ZC3H6: variants seen among roughly 807,000 people sequenced by gnomAD.
ZC3H6 encodes zinc finger CCCH-type containing 6.
A neutral mutation model predicts 107.7 loss-of-function variants in ZC3H6; 40 were observed. The ratio of observed to expected loss-of-function variants is 0.37; its 90% CI spans 0.29 to 0.48. The LOEUF is 0.48. Ranked by LOEUF, ZC3H6 falls within the 20% of genes least tolerant of loss-of-function variation. The probability of loss-of-function intolerance (pLI) is 0.98; values close to 1 mark genes in which losing one functional copy is unlikely to be tolerated. For missense variants in ZC3H6, 1,267 were observed against 1,410.4 expected, an observed-to-expected ratio of 0.90 and a Z score of 1.63; for synonymous variants, 493 against 487.9, an observed-to-expected ratio of 1.01 and a Z score of -0.14.
At position 112,339,610 on chromosome 2, in the gene ZC3H6, G is replaced by A. The variant is rs779812849; in HGVS notation, c.*7122G>A. 1.3e-5 allele frequency: 2 copies of A among 152,122 alleles called. No homozygotes were observed. The highest frequency in any genetic ancestry group is 2.9e-5 in the Non-Finnish European group (2 of 68,102). 9.4% of individuals were successfully genotyped at this position (152,122 alleles called of 1,614,324 possible). On this transcript the variant is annotated 3_prime_UTR_variant, in exon 12 of 12. Transcript: ENST00000409871. Reference sequence around the variant, plus strand: ...TGGGGCCAGGGACGGGGGCAGGCGGGAGTTGTCCAGGTTTAAGATTGTTTG... The same window carrying A: ...TGGGGCCAGGGACGGGGGCAGGCGGAAGTTGTCCAGGTTTAAGATTGTTTG...
rs1324771757 is a variant in ZC3H6, at chr2:112,332,616, A to G, written c.*128A>G. The G allele has an allele frequency of 1.1e-6, 1 of 896,486 alleles. No individual in the cohort carries two copies. Among genetic ancestry groups the G allele is most frequent in the African/African-American group, 1.7e-5 (1 of 58,812 alleles). 55.5% of individuals were successfully genotyped at this position (896,486 alleles called of 1,614,324 possible). A position where few individuals can be genotyped will look rare whatever the true frequency, so the allele number is the denominator to read the frequency against. ...AACACTTTTCAGCTGCTAGTATCAG[A>G]ACCACATGAAGTTATAGCCTCTAAA... On this transcript the variant is annotated 3_prime_UTR_variant, in exon 12 of 12. Transcript: ENST00000409871.
At position 112,337,068 on chromosome 2, in the gene ZC3H6, C is replaced by T. The variant is rs1314177992; in HGVS notation, c.*4580C>T. 6.6e-6 allele frequency: 1 copy of T among 152,130 alleles called. No individual in the cohort carries two copies. The highest frequency in any genetic ancestry group is 1.5e-5 in the Non-Finnish European group (1 of 68,030). The allele number at this position is 152,130 out of a possible 1,614,324, so 9.4% of individuals were successfully genotyped here. Reference sequence around the variant, plus strand: ...GAAGAATGCACCTTATGGGTTATATCTCTTTTGGTAGACAGCCCACCTGCT... The same window carrying T: ...GAAGAATGCACCTTATGGGTTATATTTCTTTTGGTAGACAGCCCACCTGCT... On this transcript the variant is annotated 3_prime_UTR_variant, in exon 12 of 12. Coordinates refer to ENST00000409871, the MANE Select transcript of ZC3H6 (RefSeq NM_198581.3).
At position 112,331,124 on chromosome 2, in the gene ZC3H6, G is replaced by A. The variant is rs1677021747; in HGVS notation, c.2206G>A (p.Glu736Lys). ...AAGGAATCAGCAACAACCTTCCACAGAACTCAGCACTCCTACTGATCCAAG... is the reference window on the plus strand; with the variant it reads ...AAGGAATCAGCAACAACCTTCCACAAAACTCAGCACTCCTACTGATCCAAG... Reference protein sequence around the residue: ...TLRNQQQPSTELSTPTDPRLA... With the variant: ...TLRNQQQPSTKLSTPTDPRLA... The change falls in exon 12 of 12, where the codon GAA (glutamate) becomes AAA (lysine). Residue 736 changes from glutamate to lysine, a missense_variant. This residue lies in a region of ZC3H6 where 925 missense variants were observed against 1,025.7 expected (regional missense o/e 0.90). Coordinates refer to ENST00000409871, the MANE Select transcript of ZC3H6 (RefSeq NM_198581.3). The A allele has an allele frequency of 6.2e-7, 1 of 1,613,316 alleles. No homozygotes were observed. The highest frequency in any genetic ancestry group is 1.1e-5 in the South Asian group (1 of 90,946).
intron 3 of ZC3H6, among the ~76,000 whole-genome samples, chr2:112,306,408 G>C (rs974174143): frequency 9.2e-5 from 14 of 152,008 alleles, no homozygotes; most frequent in African/African-American, 2.9e-4. Flanking sequence ...CCTGACCTCA[G>C]GTGATCTGCC....
chr2:112,309,824 C>G, intron 3 of ZC3H6, 61 bp from the exon 4 acceptor site: 2 of 1,477,322 alleles, frequency 1.4e-6, no homozygotes, highest in Non-Finnish European at 1.8e-6. Flanking sequence ...ATGTCCTGTG[C>G]TACTGTCAAT....
Position 112,275,880 on chromosome 2 carries a change from T to A in ZC3H6, c.-115T>A. On this transcript the variant is annotated 5_prime_UTR_variant, in exon 1 of 12. Transcript: ENST00000409871. ...CGTGAGTTTTTACCACTTCGTCACC[T>A]GTCGGCGGCGGCCGGGAGCAGGTTC... 1.3e-6 allele frequency: 1 copy of A among 793,578 alleles called. No homozygotes were observed. Among genetic ancestry groups the A allele is most frequent in the Non-Finnish European group, 1.9e-6 (1 of 515,494 alleles). The allele number at this position is 793,578 out of a possible 1,614,324, so 49.2% of individuals were successfully genotyped here. A position where few individuals can be genotyped will look rare whatever the true frequency, so the allele number is the denominator to read the frequency against.
Position 112,321,783 on chromosome 2 carries a change from G to A in ZC3H6, c.1004G>A (p.Ser335Asn). 1 of 1,539,000 alleles carries A rather than the reference G, an allele frequency of 6.5e-7. No homozygotes were observed. Among genetic ancestry groups the A allele is most frequent in the Non-Finnish European group, 8.8e-7 (1 of 1,141,072 alleles). The stretch of plus-strand genomic sequence containing the variant: ...GAATTTCCATGCAAGTTCTATCATA[G>A]TGGAGCAAAATGTTACCAGGGAGAC... ...HNEFPCKFYH[S>N]GAKCYQGDNC... Residue 335 changes from serine to asparagine, a missense_variant, in exon 8 of 12, where the codon AGT (serine) becomes AAT (asparagine). Around this residue, in one of 3 missense-constraint regions of ZC3H6, gnomAD observed 925 missense variants for 1,025.7 expected, o/e 0.90. Transcript: ENST00000409871.
intron 2 of ZC3H6, among the ~76,000 whole-genome samples, chr2:112,302,299 A>G (rs1187050589): frequency 1.3e-5 from 2 of 152,194 alleles, no homozygotes; most frequent in African/African-American, 4.8e-5. Context: ...TCACCTATCA[A>G]ATCAACAAAG....
chr2:112,311,778 A>C (rs1676597771), intron 4 of ZC3H6, 26 bp from the exon 5 acceptor site: 1 of 1,579,312 alleles, frequency 6.3e-7, no homozygotes, highest in Non-Finnish European at 8.6e-7. Context: ...TTTCTTTTAA[A>C]TTTAAGTACA....
intron 1 of ZC3H6, 84 bp downstream of exon 1, chr2:112,276,110 C>A (rs1686413067): frequency 7.8e-7 from 1 of 1,274,794 alleles, no homozygotes; most frequent in Non-Finnish European, 1.1e-6. Context: ...CGGGCGCCTC[C>A]TGCATGACCT....
chr2:112,297,972 G>A (rs796509717), intron 1 of ZC3H6, among the ~76,000 whole-genome samples: 3 of 152,090 alleles, frequency 2.0e-5, no homozygotes, highest in Admixed American at 6.5e-5. Context: ...AAAATTAGTC[G>A]GATGTGATGG....
intron 1 of ZC3H6, among the ~76,000 whole-genome samples, chr2:112,287,319 T>G (rs187253993): frequency 0.016 from 2,365 of 152,124 alleles, 62 homozygotes; most frequent in African/African-American, 0.053. Flanking sequence ...GTAAATGAAA[T>G]ATAAAAATAA....
chr2:112,309,697 G>T (rs1676558642), intron 3 of ZC3H6, among the ~76,000 whole-genome samples, 188 bp from the exon 4 acceptor site: 1 of 152,154 alleles, frequency 6.6e-6, no homozygotes, highest in African/African-American at 2.4e-5. Flanking sequence ...AATTATCTCA[G>T]GGTAACATTT....
chr2:112,294,605 G>A, intron 1 of ZC3H6, among the ~76,000 whole-genome samples: 1 of 152,056 alleles, frequency 6.6e-6, no homozygotes, highest in Admixed American at 6.6e-5. Context: ...CTCAGTTTCT[G>A]ATCTGTAGCT....
At position 112,309,858 on chromosome 2, in the gene ZC3H6, T is replaced by A. The variant is rs553955327; in HGVS notation, c.337-27T>A. ...ATTGCTATATATAATTGAAAAATCC[T>A]GATAATGATTGTCCATTTTCACTTA... On this transcript the variant is annotated intron_variant, in intron 3 of 11. Transcript: ENST00000409871. 5.8e-6 allele frequency: 9 copies of A among 1,542,284 alleles called. No individual in the cohort carries two copies. In the African/African-American group the frequency reaches 1.2e-4, roughly 21 times the overall value.
In ZC3H6 at chr2:112,332,225, G is replaced by C; in HGVS notation, c.3307G>C (p.Val1103Leu). Residue 1103 changes from valine (V) to leucine (L), a missense_variant, in exon 12 of 12, where the codon GTG becomes CTG. Physicochemically the swap from Val to Leu is conservative, Grantham distance 32. This residue lies in a region of ZC3H6 where 925 missense variants were observed against 1,025.7 expected (regional missense o/e 0.90). Transcript: ENST00000409871. ...CCTTCCACAAAAACCCAGTCCAAAC[G>C]TGGGAGTCACTCTTGAGGGGCCAGC... ...AILPQKPSPN[V>L]GVTLEGPADP... The C allele has an allele frequency of 1.2e-6, 2 of 1,613,988 alleles. No individual in the cohort carries two copies. The highest frequency in any genetic ancestry group is 8.5e-7 in the Non-Finnish European group (1 of 1,179,890).
At chr2:112,306,299 A>G (rs1676476326) in intron 3 of ZC3H6, among the ~76,000 whole-genome samples, 1 of 151,654 alleles carries the variant, frequency 6.6e-6, no homozygotes, top group Non-Finnish European at 1.5e-5. Context: ...CAGCCTCCCA[A>G]GTAGCTGGGA....
In ZC3H6 at chr2:112,322,775, C is replaced by G. The variant is rs2104721118; in HGVS notation, c.1213C>G (p.His405Asp). The G allele has an allele frequency of 1.9e-6, 3 of 1,613,972 alleles. No individual in the cohort carries two copies. Among genetic ancestry groups the G allele is most frequent in the Non-Finnish European group, 2.5e-6 (3 of 1,179,892 alleles). Residue 405 changes from histidine to aspartate, a missense_variant, in exon 9 of 12, where the codon CAT (histidine) becomes GAT (aspartate). Coordinates refer to ENST00000409871, the MANE Select transcript of ZC3H6 (RefSeq NM_198581.3). ...GVGLLPTPPE[H>D]FPFSDPEDDF... ...TGGGCTTCTGCCAACCCCTCCAGAGCATTTTCCCTTTTCTGATCCTGAAGA... is the reference window on the plus strand; with the variant it reads ...TGGGCTTCTGCCAACCCCTCCAGAGGATTTTCCCTTTTCTGATCCTGAAGA...
intron 5 of ZC3H6, among the ~76,000 whole-genome samples, chr2:112,314,238 A>G (rs1224578080): frequency 1.3e-5 from 2 of 152,038 alleles, no homozygotes; most frequent in Non-Finnish European, 2.9e-5. Flanking sequence ...TGCAAAGAAT[A>G]TAGGAGGAGT....
Sources: gnomAD v4.1 joint callset for allele counts (sites outside exome capture counted in the v4.1 genomes callset) on GRCh38, gnomAD v4.1.1 for gene constraint, gnomAD v4.1.1 regional missense constraint, MANE v1.5 for transcripts, NCBI Gene and HGNC (gene_info 2026-07-23, HGNC 2026-07-21) for gene names.